ZBTB21: variants seen among roughly 807,000 people sequenced by gnomAD.
ZBTB21 encodes the protein zinc finger and BTB domain-containing protein 21.
A neutral mutation model predicts 39.8 loss-of-function variants in ZBTB21; 10 were observed. The ratio of observed to expected loss-of-function variants is 0.25; its 90% CI spans 0.16 to 0.43. The LOEUF is 0.43. ZBTB21 is among the 20% of genes least tolerant of loss of function. ZBTB21 has a pLI of 1.00. For missense variants in ZBTB21, 1,221 were observed against 1,296.3 expected, an observed-to-expected ratio of 0.94 and a Z score of 0.89; for synonymous variants, 551 against 498.8, an observed-to-expected ratio of 1.10 and a Z score of -1.40.
intron 2 of ZBTB21, 117 bp downstream of exon 2, chr21:42,002,780 C>T (rs2065833426): frequency 1.3e-5 from 2 of 152,174 alleles, no homozygotes; most frequent in Non-Finnish European, 2.9e-5. Context: ...AACCTTGGAG[C>T]TCTTAAAAGA....
intron 1 of ZBTB21, among the ~76,000 whole-genome samples, chr21:42,007,313 G>A (rs1328613326): frequency 3.3e-5 from 5 of 152,154 alleles, no homozygotes; most frequent in South Asian, 2.1e-4. Context: ...GAAGTAAAGC[G>A]TATTACATCA....
At chr21:41,994,195 G>A in intron 2 of ZBTB21, 87 bp from the exon 3 acceptor site, 1 of 1,187,914 alleles carries the variant, frequency 8.4e-7, no homozygotes, top group Non-Finnish European at 1.2e-6. Flanking sequence ...AGCTGTCTTT[G>A]CATAGGTACC....
chr21:41,999,250 G>A (rs2065788656), intron 2 of ZBTB21, among the ~76,000 whole-genome samples: 2 of 152,286 alleles, frequency 1.3e-5, no homozygotes, highest in East Asian at 3.9e-4. Context: ...TTTGTCAAAA[G>A]GGGTTCTTAA....
At chr21:42,004,677 G>T (rs1219627517) in intron 1 of ZBTB21, among the ~76,000 whole-genome samples, 1 of 152,128 alleles carries the variant, frequency 6.6e-6, no homozygotes, top group East Asian at 1.9e-4. Context: ...TTTCAACTCT[G>T]GGAACATGGG....
intron 2 of ZBTB21, among the ~76,000 whole-genome samples, chr21:41,998,434 G>A (rs1181940327): frequency 2.0e-5 from 3 of 151,986 alleles, no homozygotes; most frequent in African/African-American, 4.8e-5. Context: ...CACGTGATCT[G>A]CCTGCCTCGG....
chr21:42,010,278 G>A lies in ZBTB21; in HGVS notation c.-105C>T, dbSNP rs2065946255. 2.5e-6 allele frequency: 1 copy of A among 398,516 alleles called. No homozygotes were observed. Among genetic ancestry groups the A allele is most frequent in the Non-Finnish European group, 4.4e-6 (1 of 225,988 alleles). 24.7% of individuals were successfully genotyped at this position (398,516 alleles called of 1,614,324 possible). A position where few individuals can be genotyped will look rare whatever the true frequency, so the allele number is the denominator to read the frequency against. On this transcript the variant is annotated 5_prime_UTR_variant, in exon 1 of 3. Transcript: ENST00000310826. ...GGTCTTCAGTCTCGAGGCAGACGCC[G>A]GGCCCCTTTCCGCTCACACTCGGCT... is the stretch of plus-strand genomic sequence containing the variant.
chr21:42,007,383 G>A (rs8132937), intron 1 of ZBTB21, among the ~76,000 whole-genome samples: 96,724 of 152,098 alleles, frequency 0.64, 32,293 homozygotes, highest in African/African-American at 0.79. Flanking sequence ...CCAAACTACA[G>A]ACTGGCATAC....
Position 41,990,652 on chromosome 21 carries a change from A to C in ZBTB21, c.*243T>G. The C allele has an allele frequency of 3.1e-6, 1 of 318,018 alleles. No individual in the cohort carries two copies. The highest frequency in any genetic ancestry group is 5.7e-6 in the Non-Finnish European group (1 of 176,450). The allele number at this position is 318,018 out of a possible 1,614,324, so 19.7% of individuals were successfully genotyped here. The stretch of plus-strand genomic sequence containing the variant: ...CACAATCAAGACTAATCCAATTTCA[A>C]CATTAATGAAATCAAACCATCTTGT... On this transcript the variant is annotated 3_prime_UTR_variant, in exon 3 of 3. Coordinates refer to ENST00000310826, the MANE Select transcript of ZBTB21 (RefSeq NM_001098402.2).
At position 41,988,115 on chromosome 21, in the gene ZBTB21, A is replaced by AAT. The variant is rs1011130678; in HGVS notation, c.*2778_*2779dup. 1.3e-5 allele frequency: 2 copies of AAT among 152,220 alleles called. No homozygotes were observed. The highest frequency in any genetic ancestry group is 4.8e-5 in the African/African-American group (2 of 41,458). The allele number at this position is 152,220 out of a possible 1,614,324, so 9.4% of individuals were successfully genotyped here. ...AAGGTGAATATTCTACAAATCTTCA[A>AAT]ATATTACTGTTAAAATGCACAATAT... On this transcript the variant is annotated 3_prime_UTR_variant, in exon 3 of 3. Transcript: ENST00000310826.
chr21:41,991,644 C>T lies in ZBTB21; in HGVS notation c.2452G>A (p.Gly818Ser). ...NFSLPVLDHN[G>S]DVTGSSRPQS... is the part of the protein sequence containing the mutation. The stretch of plus-strand genomic sequence containing the variant: ...GGCCTTGAAGAACCAGTCACATCAC[C>T]ATTGTGGTCCAAAACGGGCAAAGAA... The change falls in exon 3 of 3, where the codon GGT becomes AGT. Residue 818 changes from glycine (G) to serine (S), a missense_variant. Transcript: ENST00000310826. This position sits in a 1 kb window ranked among gnomAD's most constrained non-coding sequence, Gnocchi z 4.9. 1.9e-6 allele frequency: 3 copies of T among 1,614,152 alleles called. No individual in the cohort carries two copies. Among genetic ancestry groups the T allele is most frequent in the Non-Finnish European group, 2.5e-6 (3 of 1,180,034 alleles).
At chr21:42,004,357 C>T (rs2065853484) in intron 1 of ZBTB21, among the ~76,000 whole-genome samples, 1 of 152,052 alleles carries the variant, frequency 6.6e-6, no homozygotes, top group Admixed American at 6.6e-5. Flanking sequence ...ATACTTTCCT[C>T]TTTATAGAGT....
In ZBTB21 at chr21:41,992,880, G is replaced by C; in HGVS notation, c.1216C>G (p.Arg406Gly). The change falls in exon 3 of 3, where the codon CGC becomes GGC. Residue 406 changes from arginine to glycine, a missense_variant. By Grantham distance (125) the Arg-to-Gly change is moderately radical. This residue lies in a region of ZBTB21 where 500 missense variants were observed against 465.6 expected (regional missense o/e 1.07). Transcript: ENST00000310826. This position sits in a 1 kb window ranked among gnomAD's most constrained non-coding sequence, Gnocchi z 4.1. Reference sequence around the variant, plus strand: ...TGAGAAGCACTAAAGGACCTGAGGCGATGCGGTTGTAGCACTTGAGGCCTG... The same window carrying C: ...TGAGAAGCACTAAAGGACCTGAGGCCATGCGGTTGTAGCACTTGAGGCCTG... ...DDRPQVLQPH[R>G]LRSFSASQST... is the part of the protein sequence containing the mutation. 6.2e-7 allele frequency: 1 copy of C among 1,614,156 alleles called. No homozygotes were observed. Among genetic ancestry groups the C allele is most frequent in the Non-Finnish European group, 8.5e-7 (1 of 1,180,046 alleles).
In ZBTB21 at chr21:41,993,346, T is replaced by C; in HGVS notation, c.750A>G (p.Glu250=). 6.2e-7 allele frequency: 1 copy of C among 1,613,882 alleles called. No individual in the cohort carries two copies. Among genetic ancestry groups the C allele is most frequent in the East Asian group, 2.2e-5 (1 of 44,888 alleles). ...VLPSKPLQDR[E]AMDDKPGVSG... Reference sequence around the variant, plus strand: ...TCACACCTGGTTTATCATCCATAGCTTCTCTGTCTTGCAGAGGCTTTGAAG... The same window carrying C: ...TCACACCTGGTTTATCATCCATAGCCTCTCTGTCTTGCAGAGGCTTTGAAG... The change falls in exon 3 of 3, where the codon GAA becomes GAG. Residue 250 remains glutamate, a synonymous_variant. Coordinates refer to ENST00000310826, the MANE Select transcript of ZBTB21 (RefSeq NM_001098402.2).
chr21:42,001,499 T>C (rs2065817322), intron 2 of ZBTB21, among the ~76,000 whole-genome samples: 1 of 152,202 alleles, frequency 6.6e-6, no homozygotes, highest in South Asian at 2.1e-4. Context: ...TCCAGTATGC[T>C]GAGCAGCAGA....
chr21:42,000,845 A>G (rs2065808625), intron 2 of ZBTB21, among the ~76,000 whole-genome samples: 1 of 152,192 alleles, frequency 6.6e-6, no homozygotes, highest in African/African-American at 2.4e-5. Flanking sequence ...ACCTCCATTT[A>G]GAGCCATCAC....
At position 41,993,547 on chromosome 21, in the gene ZBTB21, C is replaced by T; in HGVS notation, c.549G>A (p.Lys183=). 1 of 1,614,166 alleles carries T rather than the reference C, an allele frequency of 6.2e-7. No homozygotes were observed. Among genetic ancestry groups the T allele is most frequent in the Non-Finnish European group, 8.5e-7 (1 of 1,180,036 alleles). The change falls in exon 3 of 3, where the codon AAG becomes AAA. Residue 183 remains lysine, a synonymous_variant. Coordinates refer to ENST00000310826, the MANE Select transcript of ZBTB21 (RefSeq NM_001098402.2). The stretch of plus-strand genomic sequence containing the variant: ...GGACATGTGGCTTATTGGTATTGGC[C>T]TTGACTGCAATGCTAGGAGAGGGCC... ...TSRPSPSIAV[K]ANTNKPHVPK...
Position 42,010,297 on chromosome 21 carries a change from C to G in ZBTB21, c.-124G>C, listed in dbSNP as rs965728101. ...GACGCCGGGCCCCTTTCCGCTCACA[C>G]TCGGCTCGCGCGCGCCGCAGCCGCC... On this transcript the variant is annotated 5_prime_UTR_variant, in exon 1 of 3. Coordinates refer to ENST00000310826, the MANE Select transcript of ZBTB21 (RefSeq NM_001098402.2). 1 of 398,536 alleles carries G rather than the reference C, an allele frequency of 2.5e-6. No individual in the cohort carries two copies. Among genetic ancestry groups the G allele is most frequent in the African/African-American group, 2.1e-5 (1 of 48,642 alleles). 24.7% of individuals were successfully genotyped at this position (398,536 alleles called of 1,614,324 possible).
In ZBTB21 at chr21:41,992,362, G is replaced by A. The variant is rs2065673368; in HGVS notation, c.1734C>T (p.Asp578=). ...YHNPEKPYAC[D]ICHKRFHTNF... ...TGGTGTGAAACCTCTTGTGACAGAT[G>A]TCACAAGCGTAGGGCTTTTCTGGGT... is the stretch of plus-strand genomic sequence containing the variant. The change falls in exon 3 of 3, where the codon GAC becomes GAT. Residue 578 remains aspartate (D), a synonymous_variant. Coordinates refer to ENST00000310826, the MANE Select transcript of ZBTB21 (RefSeq NM_001098402.2). The surrounding 1 kb of genome is among the most constrained non-coding windows in gnomAD (Gnocchi z 4.1). 6.2e-7 allele frequency: 1 copy of A among 1,614,094 alleles called. No individual in the cohort carries two copies. The highest frequency in any genetic ancestry group is 1.7e-5 in the Admixed American group (1 of 60,010).
Position 41,992,585 on chromosome 21 carries a change from G to C in ZBTB21, c.1511C>G (p.Ser504Cys), listed in dbSNP as rs903638899. 1.1e-5 allele frequency: 18 copies of C among 1,614,076 alleles called. No individual in the cohort carries two copies. Among genetic ancestry groups the C allele is most frequent in the Admixed American group, 1.7e-5 (1 of 60,006 alleles). ...CTCAAAATTATCTTCTGACACAGGA[G>C]ACCCGTGCTCATTCACCTTTAACTT... ...FKKLKVNEHG[S>C]PVSEDNFEEG... Residue 504 changes from serine to cysteine, a missense_variant, in exon 3 of 3, where the codon TCT becomes TGT. By Grantham distance (112) the Ser-to-Cys change is moderately radical. Coordinates refer to ENST00000310826, the MANE Select transcript of ZBTB21 (RefSeq NM_001098402.2). This position sits in a 1 kb window ranked among gnomAD's most constrained non-coding sequence, Gnocchi z 4.1.
Sources: gnomAD v4.1 joint callset for allele counts (sites outside exome capture counted in the v4.1 genomes callset) on GRCh38, gnomAD v4.1.1 for gene constraint, gnomAD v4.1.1 regional missense constraint, Gnocchi (gnomAD v3.1) non-coding constraint, MANE v1.5 for transcripts, NCBI Gene and HGNC (gene_info 2026-07-23, HGNC 2026-07-21) for gene names.